SEC61A1: variants seen among roughly 807,000 people sequenced by gnomAD.
SEC61A1 encodes protein transport protein Sec61 subunit alpha isoform 1.
Under a neutral mutation model 55.2 loss-of-function variants are expected in SEC61A1, and 15 were observed. The observed-to-expected ratio is 0.27, with a 90% CI of 0.18 to 0.42. The LOEUF is 0.42. Ranked by LOEUF, SEC61A1 falls within the 10% of genes least tolerant of loss-of-function variation. The pLI is 1.00. For synonymous variants in SEC61A1, 247 were observed against 234.0 expected (o/e 1.06, Z -0.51); for missense variants, 284 against 602.6 (o/e 0.47, Z 5.53).
rs1362764750 is a variant in SEC61A1, at chr3:128,056,740, T to A, written c.252T>A (p.Ile84=). Residue 84 remains isoleucine (I), a synonymous_variant, in exon 5 of 12, where the codon ATT becomes ATA. Transcript: ENST00000243253. ...TGATGGAGCTAGGGATCTCTCCTAT[T>A]GTCACGTCTGGCCTTATAATGCAAC... ...GTLMELGISP[I]VTSGLIMQLL... is the part of the protein sequence containing the mutation. 1 of 1,606,560 alleles carries A rather than the reference T, an allele frequency of 6.2e-7. No homozygotes were observed. The highest frequency in any genetic ancestry group is 8.5e-7 in the Non-Finnish European group (1 of 1,176,712).
chr3:128,052,630 G>A (rs1941705586), intron 1 of SEC61A1, 71 bp downstream of exon 1: 2 of 1,554,406 alleles, frequency 1.3e-6, no homozygotes, highest in Admixed American at 2.0e-5. Context: ...CCGTGCGGTC[G>A]GGCGCCCGCC....
At chr3:128,068,437 G>C (rs1942050186) in intron 11 of SEC61A1, among the ~76,000 whole-genome samples, 1 of 152,226 alleles carries the variant, frequency 6.6e-6, no homozygotes, top group Admixed American at 6.5e-5. Flanking sequence ...TCTGAGCTCA[G>C]AGCAGGCAGG....
intron 5 of SEC61A1, among the ~76,000 whole-genome samples, chr3:128,057,700 A>C (rs1352843743): frequency 7.5e-6 from 1 of 133,568 alleles, no homozygotes; most frequent in Admixed American, 7.9e-5. Context: ...TCTACTAAAA[A>C]AATACAAAAA....
intron 5 of SEC61A1, 97 bp downstream of exon 5, chr3:128,056,937 ATTTTTTTT>A: frequency 5.9e-6 from 5 of 850,850 alleles, no homozygotes; most frequent in Non-Finnish European, 6.2e-6. Flanking sequence ...TTTATTTTTT[ATTTTTTTT>A]TTTTTTTTTG....
intron 2 of SEC61A1, 109 bp downstream of exon 2, chr3:128,053,011 T>C: frequency 1.3e-6 from 1 of 767,246 alleles, no homozygotes; most frequent in Admixed American, 2.7e-5. Context: ...AACTCTCCCT[T>C]CTCTTCCCTT....
At chr3:128,068,665 G>C (rs1427556213) in intron 11 of SEC61A1, 1 of 154,294 alleles carries the variant, frequency 6.5e-6, no homozygotes, top group African/African-American at 2.4e-5. Context: ...GTTTGGGCCA[G>C]AGGTGATGGT....
chr3:128,052,548 C>G lies in SEC61A1; in HGVS notation c.-5C>G. On this transcript the variant is annotated 5_prime_UTR_variant, in exon 1 of 12. Transcript: ENST00000243253. ...GCGGGACCCGGAGCCCGAGCAGCCG[C>G]CGCCATGGCAAGTGAGTCCTGTAGG... 6.3e-7 allele frequency: 1 copy of G among 1,599,618 alleles called. No individual in the cohort carries two copies. Among genetic ancestry groups the G allele is most frequent in the African/African-American group, 1.3e-5 (1 of 74,886 alleles).
intron 2 of SEC61A1, among the ~76,000 whole-genome samples, chr3:128,054,053 A>G (rs1488404813): frequency 1.3e-5 from 2 of 152,256 alleles, no homozygotes; most frequent in Admixed American, 6.5e-5. Flanking sequence ...TTGATAGAAC[A>G]TAATTGTAGG....
At chr3:128,052,622 G>C in intron 1 of SEC61A1, 63 bp downstream of exon 1, 15 of 1,558,686 alleles carry the variant, frequency 9.6e-6, no homozygotes, top group Non-Finnish European at 1.3e-5. Context: ...CCCCACACCC[G>C]TGCGGTCGGG....
At chr3:128,053,128 A>G (rs1279040145) in intron 2 of SEC61A1, among the ~76,000 whole-genome samples, 1 of 152,090 alleles carries the variant, frequency 6.6e-6, no homozygotes, top group Non-Finnish European at 1.5e-5. Flanking sequence ...TCTTTGGTGG[A>G]TGTTGCTCCG....
intron 7 of SEC61A1, among the ~76,000 whole-genome samples, chr3:128,062,981 C>T (rs573774218): frequency 5.9e-5 from 9 of 152,314 alleles, no homozygotes; most frequent in Non-Finnish European, 8.8e-5. Context: ...CCATCCAGAT[C>T]TGGGTCCAGA....
In SEC61A1 at chr3:128,064,868, T is replaced by C. The variant is rs199850620; in HGVS notation, c.617-9T>C. On this transcript the variant is annotated splice_polypyrimidine_tract_variant and intron_variant, in intron 7 of 11. Transcript: ENST00000243253. Reference sequence around the variant, plus strand: ...GTTCCTTCATATATGTCTCCTCCTCTGCCAACAGGAATGGAATTTGAAGGT... The same window carrying C: ...GTTCCTTCATATATGTCTCCTCCTCCGCCAACAGGAATGGAATTTGAAGGT... 6 of 1,587,340 alleles carry C rather than the reference T, an allele frequency of 3.8e-6. No homozygotes were observed. In the East Asian group the frequency reaches 1.3e-4, roughly 36 times the overall value.
chr3:128,060,699 A>G (rs984256622), intron 7 of SEC61A1, 38 bp downstream of exon 7: 31 of 1,595,582 alleles, frequency 1.9e-5, no homozygotes, highest in Non-Finnish European at 2.6e-5. Context: ...GACAGCTTTC[A>G]GCAAAAACAA....
intron 8 of SEC61A1, 46 bp downstream of exon 8, chr3:128,065,083 A>G (rs767855319): frequency 1.1e-5 from 18 of 1,597,540 alleles, no homozygotes; most frequent in Non-Finnish European, 1.4e-5. Context: ...TCTGGATTTA[A>G]GTTTCAGAAT....
chr3:128,069,095 T>TA (rs1559799893), intron 11 of SEC61A1, among the ~76,000 whole-genome samples: 1 of 152,174 alleles, frequency 6.6e-6, no homozygotes, highest in Non-Finnish European at 1.5e-5. Context: ...GAAGTCACAT[T>TA]AAAAAAGTAA....
upstream of SEC61A1, chr3:128,051,795 C>A: frequency 1.3e-6 from 2 of 1,532,812 alleles, no homozygotes; most frequent in South Asian, 2.4e-5. Context: ...CTGCCCCGGC[C>A]CTTCTCCGGC....
intron 5 of SEC61A1, among the ~76,000 whole-genome samples, chr3:128,059,721 T>C (rs9863573): frequency 0.023 from 3,522 of 152,046 alleles, 126 homozygotes; most frequent in African/African-American, 0.079. Flanking sequence ...GTGCCTGACA[T>C]TGAGTTTGGG....
At chr3:128,053,003 C>A in intron 2 of SEC61A1, 101 bp downstream of exon 2, 1 of 799,764 alleles carries the variant, frequency 1.3e-6, no homozygotes, top group Non-Finnish European at 2.1e-6. Context: ...GCAATGGAAA[C>A]TCTCCCTTCT....
At chr3:128,063,954 C>G (rs1941892518) in intron 7 of SEC61A1, among the ~76,000 whole-genome samples, 1 of 152,194 alleles carries the variant, frequency 6.6e-6, no homozygotes, top group South Asian at 2.1e-4. Flanking sequence ...GGTCCCTTTC[C>G]TATATCCCTC....
Sources: gnomAD v4.1 joint callset for allele counts (sites outside exome capture counted in the v4.1 genomes callset) on GRCh38, gnomAD v4.1.1 for gene constraint, MANE v1.5 for transcripts, NCBI Gene and HGNC (gene_info 2026-07-23, HGNC 2026-07-21) for gene names.